RSL1D1: variants seen among roughly 807,000 people sequenced by gnomAD.
The protein encoded by RSL1D1 is ribosomal L1 domain-containing protein 1.
In RSL1D1, 34 loss-of-function variants were observed where a neutral mutation model predicts 44.6. That is an observed-to-expected ratio of 0.76 (90% CI 0.58 to 1.02). RSL1D1 has a LOEUF of 1.02. Among genes scored for constraint, RSL1D1 ranks in the 50% least tolerant of loss-of-function variants. The pLI, the probability that RSL1D1 is intolerant of heterozygous loss-of-function variation, is 0.00. For synonymous variants in RSL1D1, 271 were observed against 207.4 expected, an observed-to-expected ratio of 1.31 and a Z score of -2.63; for missense variants, 767 against 568.1, an observed-to-expected ratio of 1.35 and a Z score of -3.56.
At position 11,844,697 on chromosome 16, in the gene RSL1D1, G is replaced by A. The variant is rs2053786155; in HGVS notation, c.635+1804C>T. Among the ~76,000 whole-genome samples, 3 of 152,266 alleles carry A rather than the reference G, an allele frequency of 2.0e-5. No homozygotes were observed. The East Asian group carries it at 5.8e-4, about 29-fold the overall frequency. On this transcript the variant is annotated intron_variant, in intron 5 of 8. Coordinates refer to ENST00000571133, the MANE Select transcript of RSL1D1 (RefSeq NM_015659.3). ...GTCTGTGTTGTTTTCTGCCGACTGT[G>A]TCCACTGGGTCTGCACGGCTCCTGG...
chr16:11,843,871 CAAAAAA>C (rs35833714), intron 5 of RSL1D1, among the ~76,000 whole-genome samples: 26 of 53,562 alleles, frequency 4.9e-4, no homozygotes, highest in African/African-American at 1.4e-3. Flanking sequence ...AACTCTGTCT[CAAAAAA>C]AAAAAAAAAA....
intron 2 of RSL1D1, among the ~76,000 whole-genome samples, chr16:11,848,800 C>CTTTT: frequency 7.0e-6 from 1 of 143,042 alleles, no homozygotes; most frequent in Non-Finnish European, 1.5e-5. Flanking sequence ...GCCAACATAA[C>CTTTT]TTTTTTTTTT....
intron 5 of RSL1D1, among the ~76,000 whole-genome samples, chr16:11,844,872 C>G (rs1023115956): frequency 1.3e-5 from 2 of 152,136 alleles, no homozygotes; most frequent in African/African-American, 2.4e-5. Flanking sequence ...GATACACTGC[C>G]AATAATACAA....
intron 5 of RSL1D1, among the ~76,000 whole-genome samples, chr16:11,844,146 C>A (rs1346777251): frequency 1.3e-5 from 2 of 152,162 alleles, no homozygotes; most frequent in Non-Finnish European, 2.9e-5. Flanking sequence ...CTGTGCCTGT[C>A]ACCACCTGCC....
Position 11,837,697 on chromosome 16 carries a change from A to G in RSL1D1, c.*90T>C. The G allele has an allele frequency of 3.4e-6, 4 of 1,191,022 alleles. No homozygotes were observed. The highest frequency in any genetic ancestry group is 4.8e-6 in the Non-Finnish European group (4 of 836,300). The allele number at this position is 1,191,022 out of a possible 1,614,324, so 73.8% of individuals were successfully genotyped here. A position where few individuals can be genotyped will look rare whatever the true frequency, so the allele number is the denominator to read the frequency against. ...TCTTTTAAGTCCAGGCCTGACGTTT[A>G]GAGAAGGTTACAAAGGCGGCCAGGA... On this transcript the variant is annotated 3_prime_UTR_variant, in exon 9 of 9. Transcript: ENST00000571133.
rs1364423532 is a variant in RSL1D1 at position 11,837,776 on chromosome 16, A to G, written c.*11T>C. 2 of 1,589,530 alleles carry G rather than the reference A, an allele frequency of 1.3e-6. No homozygotes were observed. Among genetic ancestry groups the G allele is most frequent in the African/African-American group, 1.4e-5 (1 of 73,426 alleles). On this transcript the variant is annotated 3_prime_UTR_variant, in exon 9 of 9. Transcript: ENST00000571133. ...CAGCATTGAGGTTTCCTTCCAGTTG[A>G]ATCACTGACTTTAGGTCGACTGGGG...
intron 7 of RSL1D1, among the ~76,000 whole-genome samples, chr16:11,841,142 G>A (rs2053761409): frequency 6.6e-6 from 1 of 152,180 alleles, no homozygotes; most frequent in Admixed American, 6.5e-5. Context: ...AGGCATAGTA[G>A]CTCATGCCTG....
Position 11,838,030 on chromosome 16 carries a change from C to G in RSL1D1, c.1230G>C (p.Leu410Phe), listed in dbSNP as rs371763462. 1.6e-5 allele frequency: 26 copies of G among 1,613,720 alleles called. No individual in the cohort carries two copies. The highest frequency in any genetic ancestry group is 1.9e-5 in the Non-Finnish European group (22 of 1,179,978). ...STPRGKKRKA[L>F]PASETPKAAE... The stretch of plus-strand genomic sequence containing the variant: ...CAGCTTTTGGGGTCTCAGATGCTGG[C>G]AAAGCCTTTCTTTTCTTCCCACGAG... The change falls in exon 9 of 9, where the codon TTG becomes TTC. Residue 410 changes from leucine (L) to phenylalanine (F), a missense_variant. Leu to Phe is a conservative substitution (Grantham distance 22). Coordinates refer to ENST00000571133, the MANE Select transcript of RSL1D1 (RefSeq NM_015659.3).
In RSL1D1 at chr16:11,846,763, GA is replaced by G; in HGVS notation, c.464del (p.Phe155SerfsTer29). The G allele has an allele frequency of 6.2e-7, 1 of 1,613,856 alleles. No homozygotes were observed. The highest frequency in any genetic ancestry group is 1.3e-5 in the African/African-American group (1 of 75,034). ...KLRLLSSFDF[F>X]LTDARIRRLL... is the part of the protein sequence containing the mutation. ...GCCGCCTAATTCTGGCATCAGTAAG[GA>G]AGAAATCAAAACTGCTCAGAAGGCG... On this transcript the variant is annotated frameshift_variant, in exon 4 of 9. Transcript: ENST00000571133. LOFTEE classifies it high-confidence loss of function.
chr16:11,843,099 T>TA (rs1486640656), intron 5 of RSL1D1, among the ~76,000 whole-genome samples: 2 of 143,362 alleles, frequency 1.4e-5, no homozygotes, highest in Non-Finnish European at 3.1e-5. Context: ...TTTTTTGTAT[T>TA]TTTTTTTTTT....
In RSL1D1 at chr16:11,837,815, T is replaced by C. The variant is rs200472995; in HGVS notation, c.1445A>G (p.Lys482Arg). The C allele has an allele frequency of 1.2e-6, 2 of 1,610,504 alleles. No homozygotes were observed. The highest frequency in any genetic ancestry group is 1.3e-5 in the African/African-American group (1 of 74,630). The change falls in exon 9 of 9, where the codon AAA becomes AGA. Residue 482 changes from lysine to arginine, a missense_variant. Coordinates refer to ENST00000571133, the MANE Select transcript of RSL1D1 (RefSeq NM_015659.3). ...GGTCGACTGGGGTACTTTGGGTTTTTTGGGCCATTTTTTGGGGGTGTGGGA... is the reference window on the plus strand; with the variant it reads ...GGTCGACTGGGGTACTTTGGGTTTTCTGGGCCATTTTTTGGGGGTGTGGGA... Reference protein sequence around the residue: ...KASHTPKKWPKKPKVPQST With the variant: ...KASHTPKKWPRKPKVPQST
chr16:11,841,115 G>A (rs540023591), intron 7 of RSL1D1, among the ~76,000 whole-genome samples: 46 of 152,212 alleles, frequency 3.0e-4, no homozygotes, highest in African/African-American at 8.9e-4. Flanking sequence ...CCCCTCAAAA[G>A]CCAGTTAATC....
intron 7 of RSL1D1, among the ~76,000 whole-genome samples, chr16:11,840,981 G>C (rs1567418454): frequency 6.6e-6 from 1 of 152,082 alleles, no homozygotes; most frequent in Non-Finnish European, 1.5e-5. Context: ...TTTTATTACT[G>C]TTTCAAATGT....
Position 11,846,542 on chromosome 16 carries a change from TATAC to T in RSL1D1, c.590_593del (p.Cys197Ter). The stretch of plus-strand genomic sequence containing the variant: ...TAGAAATGTTTAAGACTGTTCCACC[TATAC>T]AGTCATTGATCTCTCTTGATAAATT... On this transcript the variant is annotated frameshift_variant, in exon 5 of 9. Transcript: ENST00000571133. LOFTEE classifies it high-confidence loss of function. 6.2e-7 allele frequency: 1 copy of T among 1,606,370 alleles called. No individual in the cohort carries two copies. Among genetic ancestry groups the T allele is most frequent in the Non-Finnish European group, 8.5e-7 (1 of 1,176,476 alleles).
rs147137542 is a variant in RSL1D1 at position 11,847,741 on chromosome 16, T to A, written c.311A>T (p.Asn104Ile). The part of the protein sequence containing the change: ...DICLFTKDEP[N>I]STPEKTEQFY... ...CTGTTCTGTCTTTTCAGGAGTTGAA[T>A]TGGGTTCATCCTTCGTAAATAAACA... The change falls in exon 3 of 9, where the codon AAT becomes ATT. Residue 104 changes from asparagine (N) to isoleucine (I), a missense_variant. Asn to Ile is a moderately radical substitution (Grantham distance 149). Transcript: ENST00000571133. 2 of 1,613,064 alleles carry A rather than the reference T, an allele frequency of 1.2e-6. No individual in the cohort carries two copies. Among genetic ancestry groups the A allele is most frequent in the Non-Finnish European group, 1.7e-6 (2 of 1,179,220 alleles).
Position 11,839,998 on chromosome 16 carries a change from A to G in RSL1D1, c.856-13T>C, listed in dbSNP as rs896085204. Reference sequence around the variant, plus strand: ...TTCTCCTTGCCTCCTACCAAAAAACACCATACAAACATTTTAGCAGGAACA... The same window carrying G: ...TTCTCCTTGCCTCCTACCAAAAAACGCCATACAAACATTTTAGCAGGAACA... On this transcript the variant is annotated splice_polypyrimidine_tract_variant and intron_variant, in intron 7 of 8. Transcript: ENST00000571133. 5 of 1,608,628 alleles carry G rather than the reference A, an allele frequency of 3.1e-6. No homozygotes were observed. Among genetic ancestry groups the G allele is most frequent in the Non-Finnish European group, 2.5e-6 (3 of 1,178,158 alleles).
In RSL1D1 at chr16:11,851,388, C is replaced by A. The variant is rs1412190833; in HGVS notation, c.105+20G>T. On this transcript the variant is annotated intron_variant, in intron 1 of 8. Transcript: ENST00000571133. ...AACCGCCACACTGCTTCCAAGCCAC[C>A]CTCCCCAGGAACCACTCACCTGTTC... 2.5e-6 allele frequency: 4 copies of A among 1,611,338 alleles called. No individual in the cohort carries two copies. In the African/African-American group the frequency reaches 5.3e-5, roughly 22 times the overall value.
intron 1 of RSL1D1, chr16:11,851,052 C>T (rs2053833691): frequency 2.7e-6 from 1 of 367,220 alleles, no homozygotes; most frequent in South Asian, 2.2e-5. Context: ...CTCTCCCGAT[C>T]CTGGATAACG....
Position 11,837,780 on chromosome 16 carries a change from A to G in RSL1D1, c.*7T>C. Reference sequence around the variant, plus strand: ...ATTGAGGTTTCCTTCCAGTTGAATCACTGACTTTAGGTCGACTGGGGTACT... The same window carrying G: ...ATTGAGGTTTCCTTCCAGTTGAATCGCTGACTTTAGGTCGACTGGGGTACT... On this transcript the variant is annotated 3_prime_UTR_variant, in exon 9 of 9. Coordinates refer to ENST00000571133, the MANE Select transcript of RSL1D1 (RefSeq NM_015659.3). 1.9e-6 allele frequency: 3 copies of G among 1,593,084 alleles called. No individual in the cohort carries two copies. Among genetic ancestry groups the G allele is most frequent in the African/African-American group, 1.4e-5 (1 of 73,564 alleles).
Sources: allele counts gnomAD v4.1 joint callset (sites outside exome capture counted in the v4.1 genomes callset), GRCh38; gene constraint gnomAD v4.1.1; transcripts MANE v1.5; gene names NCBI Gene and HGNC (gene_info 2026-07-23, HGNC 2026-07-21).